DOCK4: variants seen among roughly 807,000 people sequenced by gnomAD.
DOCK4 encodes the protein dedicator of cytokinesis 4.
Under a neutral mutation model 268.1 loss-of-function variants are expected in DOCK4, and 97 were observed. That is an observed-to-expected ratio of 0.36 (90% CI 0.31 to 0.43). The LOEUF is 0.43. Ranked by LOEUF, DOCK4 falls within the 20% of genes least tolerant of loss-of-function variation. The pLI is 1.00. For synonymous variants in DOCK4, 954 were observed against 887.2 expected (o/e 1.08, Z -1.34); for missense variants, 2,145 against 2,455.7 (o/e 0.87, Z 2.67).
intron 1 of DOCK4, among the ~76,000 whole-genome samples, chr7:112,009,817 A>T (rs191638700): frequency 6.0e-4 from 91 of 152,142 alleles, no homozygotes; most frequent in South Asian, 3.7e-3. Context: ...TCTTTTTTTT[A>T]AAATTGTTTT....
chr7:111,871,519 A>G (rs1404325537), intron 20 of DOCK4, among the ~76,000 whole-genome samples: 3 of 152,250 alleles, frequency 2.0e-5, no homozygotes, highest in Non-Finnish European at 4.4e-5. Flanking sequence ...CATCATCAGC[A>G]TAAAGTACAG....
In DOCK4 at chr7:111,871,966, T is replaced by C. The variant is rs780461836; in HGVS notation, c.2027+24A>G. ...AGCTTGAAAGGAACCACTTCTAAAC[T>C]AATTACAAGATACAGGGCCTTACCT... On this transcript the variant is annotated intron_variant, in intron 20 of 52. Transcript: ENST00000428084. The C allele has an allele frequency of 9.3e-6, 14 of 1,507,890 alleles. No individual in the cohort carries two copies. In the African/African-American group the frequency reaches 1.8e-4, roughly 20 times the overall value. 93.4% of individuals were successfully genotyped at this position (1,507,890 alleles called of 1,614,324 possible).
intron 12 of DOCK4, among the ~76,000 whole-genome samples, chr7:111,933,291 TA>T (rs1794409258): frequency 8.4e-6 from 1 of 118,796 alleles, no homozygotes; most frequent in Non-Finnish European, 1.8e-5. Context: ...TATATATATA[TA>T]TATATATTTT....
At chr7:111,748,794 CAT>C (rs1796445561) in intron 42 of DOCK4, among the ~76,000 whole-genome samples, 1 of 152,108 alleles carries the variant, frequency 6.6e-6, no homozygotes, top group Non-Finnish European at 1.5e-5. Flanking sequence ...TACCAGGAAA[CAT>C]GTACAAAAAT....
chr7:112,101,936 G>A (rs946399444), intron 1 of DOCK4, among the ~76,000 whole-genome samples: 1 of 151,674 alleles, frequency 6.6e-6, no homozygotes, highest in Non-Finnish European at 1.5e-5. Flanking sequence ...TCCGCCTCGC[G>A]GGTTCACGCC....
At position 111,926,783 on chromosome 7, in the gene DOCK4, G is replaced by A. The variant is rs1395791675; in HGVS notation, c.1066+8757C>T. On this transcript the variant is annotated intron_variant, in intron 12 of 52. Coordinates refer to ENST00000428084, the MANE Select transcript of DOCK4 (RefSeq NM_001363540.2). ...CGGGAGGCAGAGGTTGCAGTGAGCC[G>A]AGATCATGCCACTGCACTCCAGCCT... Among the ~76,000 whole-genome samples, 8 of 150,506 alleles carry A rather than the reference G, an allele frequency of 5.3e-5. No individual in the cohort carries two copies. The East Asian group carries it at 1.2e-3, about 22-fold the overall frequency.
chr7:111,763,436 T>C (rs1797576984), intron 39 of DOCK4, among the ~76,000 whole-genome samples: 2 of 152,334 alleles, frequency 1.3e-5, no homozygotes, highest in Admixed American at 1.3e-4. Flanking sequence ...AGGAAAGCTA[T>C]TTTTAAAAGA....
intron 12 of DOCK4, among the ~76,000 whole-genome samples, chr7:111,933,141 T>TATATACGTATATACAC (rs1794354741): frequency 3.3e-5 from 2 of 60,094 alleles, no homozygotes; most frequent in Admixed American, 1.4e-4. Flanking sequence ...TATATACACA[T>TATATACGTATATACAC]ATATATACGT....
intron 51 of DOCK4, 112 bp from the exon 52 acceptor site, chr7:111,732,399 T>C: frequency 9.2e-7 from 1 of 1,092,870 alleles, no homozygotes; most frequent in Non-Finnish European, 1.4e-6. Context: ...CATAAGGACC[T>C]TCTAAGCAAA....
At chr7:112,152,540 T>C (rs554365810) in intron 1 of DOCK4, among the ~76,000 whole-genome samples, 1 of 152,246 alleles carries the variant, frequency 6.6e-6, no homozygotes, top group African/African-American at 2.4e-5. Flanking sequence ...CAACTGAAAA[T>C]GAACAAAAAG....
intron 1 of DOCK4, among the ~76,000 whole-genome samples, chr7:112,082,311 C>T (rs1222068357): frequency 6.6e-6 from 1 of 152,262 alleles, no homozygotes; most frequent in South Asian, 2.1e-4. Flanking sequence ...GAGGAAACAA[C>T]AGCCATCACC....
intron 1 of DOCK4, among the ~76,000 whole-genome samples, chr7:112,066,452 T>C (rs1806942192): frequency 6.7e-6 from 1 of 149,424 alleles, no homozygotes; most frequent in Non-Finnish European, 1.5e-5. Flanking sequence ...CATAAGCCAA[T>C]TGCCCTAATA....
chr7:112,198,963 C>T (rs578235085), intron 1 of DOCK4, among the ~76,000 whole-genome samples: 1 of 152,284 alleles, frequency 6.6e-6, no homozygotes, highest in South Asian at 2.1e-4. Flanking sequence ...TCACAGACAA[C>T]ACGGCAAGGG....
chr7:112,137,801 C>G (rs7808636), intron 1 of DOCK4, among the ~76,000 whole-genome samples: 75,834 of 152,078 alleles, frequency 0.5, 19,238 homozygotes, highest in African/African-American at 0.59. Context: ...TTTACTAGCT[C>G]AGTGACCTTG....
At chr7:111,767,899 G>A (rs1431237754) in intron 37 of DOCK4, among the ~76,000 whole-genome samples, 1 of 152,000 alleles carries the variant, frequency 6.6e-6, no homozygotes, top group African/African-American at 2.4e-5. Flanking sequence ...CTTTAATCTA[G>A]TATAGGTGTC....
chr7:112,094,099 G>A (rs1809888613), intron 1 of DOCK4, among the ~76,000 whole-genome samples: 1 of 151,722 alleles, frequency 6.6e-6, no homozygotes, highest in South Asian at 2.1e-4. Context: ...TTTTTCCAAA[G>A]CACATCATGC....
At chr7:111,869,516 AAGCATC>A in intron 21 of DOCK4, 52 bp downstream of exon 21, 1 of 1,486,286 alleles carries the variant, frequency 6.7e-7, no homozygotes. Flanking sequence ...CAATTAGTTT[AAGCATC>A]AGCATGCAAC....
chr7:111,863,303 G>A (rs745355637), intron 23 of DOCK4, 69 bp downstream of exon 23: 13 of 1,561,830 alleles, frequency 8.3e-6, no homozygotes, highest in African/African-American at 4.1e-5. Context: ...TGCATCTGCT[G>A]ACCAATGGCT....
At chr7:112,070,585 G>A (rs1414441438) in intron 1 of DOCK4, among the ~76,000 whole-genome samples, 1 of 152,128 alleles carries the variant, frequency 6.6e-6, no homozygotes, top group Non-Finnish European at 1.5e-5. Context: ...TTAGGTTCCT[G>A]AAGCCCAGGA....
Sources: gnomAD v4.1 joint callset for allele counts (sites outside exome capture counted in the v4.1 genomes callset) on GRCh38, gnomAD v4.1.1 for gene constraint, MANE v1.5 for transcripts, NCBI Gene and HGNC (gene_info 2026-07-23, HGNC 2026-07-21) for gene names.